CPE: variants seen among roughly 807,000 people sequenced by gnomAD.
The protein encoded by CPE is carboxypeptidase E.
CPE carries 17 observed loss-of-function variants against 53.5 expected under a neutral mutation model. The observed-to-expected ratio is 0.32, with a 90% confidence interval of 0.22 to 0.48. CPE has a LOEUF of 0.48. Among genes scored for constraint, CPE ranks in the 20% least tolerant of loss-of-function variants. The pLI is 0.99. For synonymous variants in CPE, 226 were observed against 228.8 expected, an observed-to-expected ratio of 0.99 and a Z score of 0.11; for missense variants, 524 against 614.7, an observed-to-expected ratio of 0.85 and a Z score of 1.56.
intron 1 of CPE, among the ~76,000 whole-genome samples, chr4:165,455,058 C>T (rs1731878513): frequency 6.6e-6 from 1 of 152,230 alleles, no homozygotes; most frequent in African/African-American, 2.4e-5. Context: ...ACCTGGAGAA[C>T]TTTCGACCTT....
At chr4:165,479,889 G>T (rs1732372655) in intron 3 of CPE, among the ~76,000 whole-genome samples, 1 of 151,948 alleles carries the variant, frequency 6.6e-6, no homozygotes, top group South Asian at 2.1e-4. Context: ...CTACGCGGGA[G>T]GCGGAGGCAG....
chr4:165,401,390 T>G (rs66746153), intron 1 of CPE, among the ~76,000 whole-genome samples: 38,224 of 152,084 alleles, frequency 0.25, 4,960 homozygotes, highest in East Asian at 0.36. Context: ...TAAGTGATAG[T>G]CAACATGTGG....
chr4:165,433,998 G>C (rs1202781154), intron 1 of CPE, among the ~76,000 whole-genome samples: 1 of 152,042 alleles, frequency 6.6e-6, no homozygotes, highest in East Asian at 1.9e-4. Flanking sequence ...CGGTTCCCTG[G>C]AAATCTTGAC....
intron 1 of CPE, among the ~76,000 whole-genome samples, chr4:165,384,364 G>T (rs1044907943): frequency 1.3e-5 from 2 of 152,134 alleles, no homozygotes; most frequent in East Asian, 3.9e-4. Context: ...CTCCTCTCCC[G>T]CTGGCTGGTG....
chr4:165,435,920 A>G (rs917232653), intron 1 of CPE, among the ~76,000 whole-genome samples: 7 of 152,026 alleles, frequency 4.6e-5, no homozygotes, highest in African/African-American at 1.4e-4. Flanking sequence ...CACACAGTTG[A>G]CCCTACGGAC....
chr4:165,451,261 CT>C (rs1010621410), intron 1 of CPE, among the ~76,000 whole-genome samples: 1 of 152,126 alleles, frequency 6.6e-6, no homozygotes, highest in African/African-American at 2.4e-5. Flanking sequence ...GGTTCTGTAG[CT>C]TTTTGAATGA....
chr4:165,404,523 C>T (rs1730922326), intron 1 of CPE: 1 of 851,046 alleles, frequency 1.2e-6, no homozygotes, highest in Non-Finnish European at 2.1e-6. Flanking sequence ...TTTCCACCTC[C>T]AAACTGCTCC....
chr4:165,440,624 C>T (rs1370105584), intron 1 of CPE, among the ~76,000 whole-genome samples: 1 of 151,888 alleles, frequency 6.6e-6, no homozygotes, highest in Non-Finnish European at 1.5e-5. Flanking sequence ...GGGATTTTTT[C>T]CTCGTACCTT....
At chr4:165,409,816 A>G (rs542525249) in intron 1 of CPE, among the ~76,000 whole-genome samples, 1 of 152,292 alleles carries the variant, frequency 6.6e-6, no homozygotes, top group East Asian at 1.9e-4. Context: ...TGAATTTGGT[A>G]AAATTTCCTT....
chr4:165,461,874 A>G (rs1227363411), intron 1 of CPE, among the ~76,000 whole-genome samples: 6 of 152,214 alleles, frequency 3.9e-5, no homozygotes, highest in African/African-American at 1.4e-4. Context: ...AACATTATAT[A>G]GTGATCTAAG....
intron 1 of CPE, among the ~76,000 whole-genome samples, chr4:165,415,962 G>C (rs1376943112): frequency 6.6e-6 from 1 of 152,076 alleles, no homozygotes; most frequent in Non-Finnish European, 1.5e-5. Context: ...TCCCCCAGAG[G>C]TAAACACTAA....
chr4:165,425,589 A>G lies in CPE; in HGVS notation c.308-38801A>G, dbSNP rs551656006. Among the ~76,000 whole-genome samples, 3 of 152,338 alleles carry G rather than the reference A, an allele frequency of 2.0e-5. No homozygotes were observed. The East Asian group carries it at 5.8e-4, about 29-fold the overall frequency. ...AAAAAAATATTTTGGCAAATTTACT[A>G]GATATTGACAATAAAGTCAAATCAT... On this transcript the variant is annotated intron_variant, in intron 1 of 8. Transcript: ENST00000402744.
chr4:165,417,079 G>A (rs1358095455), intron 1 of CPE, among the ~76,000 whole-genome samples: 1 of 152,026 alleles, frequency 6.6e-6, no homozygotes, highest in African/African-American at 2.4e-5. Flanking sequence ...TGGGCTTAGG[G>A]GACAGAAAGA....
At chr4:165,440,473 A>G (rs1731590504) in intron 1 of CPE, among the ~76,000 whole-genome samples, 1 of 130,036 alleles carries the variant, frequency 7.7e-6, no homozygotes, top group Non-Finnish European at 1.6e-5. Context: ...CACACACACA[A>G]GCTGTGGTTT....
intron 1 of CPE, chr4:165,386,141 T>G (rs1730587699): frequency 2.2e-6 from 1 of 459,338 alleles, no homozygotes; most frequent in African/African-American, 2.1e-5. Context: ...GAAATGACAA[T>G]AATGTGATGA....
At chr4:165,433,489 C>G (rs774392776) in intron 1 of CPE, among the ~76,000 whole-genome samples, 3 of 152,128 alleles carry the variant, frequency 2.0e-5, no homozygotes, top group Admixed American at 1.3e-4. Context: ...CCTTATTATC[C>G]TCTCAGCCCC....
At chr4:165,460,326 C>G (rs749338509) in intron 1 of CPE, among the ~76,000 whole-genome samples, 2 of 152,122 alleles carry the variant, frequency 1.3e-5, no homozygotes, top group Non-Finnish European at 2.9e-5. Flanking sequence ...ATTCTGAAGG[C>G]AAAATTTCTT....
chr4:165,471,996 A>G (rs903541344), intron 3 of CPE, among the ~76,000 whole-genome samples: 2 of 152,330 alleles, frequency 1.3e-5, no homozygotes, highest in Non-Finnish European at 2.9e-5. Context: ...ATAGTTTCCA[A>G]ATTCTGGAGA....
chr4:165,383,399 T>C (rs1400027715), intron 1 of CPE, among the ~76,000 whole-genome samples: 3 of 152,250 alleles, frequency 2.0e-5, no homozygotes, highest in Non-Finnish European at 1.5e-5. Flanking sequence ...AAGAAACCTT[T>C]ATTAACTTAT....
Sources: gnomAD v4.1 joint callset for allele counts (sites outside exome capture counted in the v4.1 genomes callset) on GRCh38, gnomAD v4.1.1 for gene constraint, MANE v1.5 for transcripts, NCBI Gene and HGNC (gene_info 2026-07-23, HGNC 2026-07-21) for gene names.